GARIN5B: variants seen among roughly 807,000 people sequenced by gnomAD.
GARIN5B encodes Golgi-associated RAB2 interactor protein 5B.
chr19:55,355,759 G>A, the GARIN5B span, among the ~76,000 whole-genome samples: 1 of 152,190 alleles, frequency 6.6e-6, no homozygotes, highest in Non-Finnish European at 1.5e-5. Flanking sequence ...GCAGAGGCGG[G>A]AGGATTGCTT....
At chr19:55,360,044 G>A in the GARIN5B span, 2 of 1,457,178 alleles carry the variant, frequency 1.4e-6, no homozygotes, top group Non-Finnish European at 1.8e-6. Context: ...ACCCGGGAGG[G>A]CAGACCCCTG....
the GARIN5B span, chr19:55,358,582 G>A: frequency 6.4e-7 from 1 of 1,551,276 alleles, no homozygotes; most frequent in Non-Finnish European, 8.7e-7. Flanking sequence ...TCACCCAGGT[G>A]TGCGACTCTG....
At chr19:55,358,306 C>T in the GARIN5B span, 24 of 1,547,958 alleles carry the variant, frequency 1.6e-5, no homozygotes, top group Middle Eastern at 1.7e-4. Flanking sequence ...TGGGCTCCTG[C>T]GACACCCTCT....
the GARIN5B span, chr19:55,358,197 T>C: frequency 1.9e-6 from 3 of 1,541,124 alleles, no homozygotes; most frequent in African/African-American, 4.1e-5. Flanking sequence ...TCTGCCTTGG[T>C]GGCCGTGTTC....
At chr19:55,361,621 T>A in the GARIN5B span, among the ~76,000 whole-genome samples, 1 of 106,524 alleles carries the variant, frequency 9.4e-6, no homozygotes, top group Non-Finnish European at 2.0e-5. Flanking sequence ...CAGTCCCTCC[T>A]CCCTCAGACC....
the GARIN5B span, chr19:55,358,933 C>T: frequency 1.9e-6 from 3 of 1,551,182 alleles, no homozygotes; most frequent in East Asian, 2.4e-5. Flanking sequence ...CCCAGTGGGC[C>T]CAGTCCTCCA....
the GARIN5B span, chr19:55,355,461 T>C: frequency 9.7e-7 from 1 of 1,033,346 alleles, no homozygotes; most frequent in Non-Finnish European, 1.4e-6. Context: ...CCAGGGCGGG[T>C]CTTGCTGTGT....
the GARIN5B span, chr19:55,359,582 G>C: frequency 3.9e-6 from 6 of 1,551,288 alleles, no homozygotes; most frequent in Non-Finnish European, 5.2e-6. Flanking sequence ...GGGTTTCCAC[G>C]ATGAAGCAGG....
chr19:55,359,394 C>T, the GARIN5B span: 2 of 1,549,746 alleles, frequency 1.3e-6, no homozygotes, highest in Non-Finnish European at 1.7e-6. Context: ...ACGGCTGAGG[C>T]CTTTCGGGGA....
the GARIN5B span, chr19:55,358,436 C>A: frequency 6.6e-7 from 1 of 1,514,354 alleles, no homozygotes; most frequent in Non-Finnish European, 8.9e-7. Flanking sequence ...CTGGGAGATT[C>A]CTTCCCTCTT....
the GARIN5B span, chr19:55,359,867 G>A: frequency 1.9e-6 from 3 of 1,551,402 alleles, no homozygotes; most frequent in Admixed American, 2.0e-5. Context: ...CGGGTCCAGG[G>A]AGCTGCAGGA....
the GARIN5B span, chr19:55,361,523 A>G: frequency 3.8e-6 from 5 of 1,327,476 alleles, no homozygotes; most frequent in African/African-American, 1.5e-5. Flanking sequence ...TCCTGCTCCC[A>G]GGACCTGACG....
chr19:55,358,366 C>G, the GARIN5B span: 1 of 1,516,360 alleles, frequency 6.6e-7, no homozygotes, highest in Non-Finnish European at 8.9e-7. Flanking sequence ...AGATGAGGGT[C>G]TCCGAGAGGG....
chr19:55,357,408 G>A, the GARIN5B span, among the ~76,000 whole-genome samples: 2,963 of 152,222 alleles, frequency 0.019, 78 homozygotes, highest in African/African-American at 0.067. Context: ...ACCTCTGACC[G>A]CATTTCCCAC....
At chr19:55,358,903 G>A in the GARIN5B span, 1 of 1,550,856 alleles carries the variant, frequency 6.4e-7, no homozygotes, top group Non-Finnish European at 8.7e-7. Context: ...GCAGGTCCGG[G>A]GACCTCTCTT....
the GARIN5B span, chr19:55,354,918 G>T: frequency 4.2e-6 from 1 of 239,964 alleles, no homozygotes; most frequent in East Asian, 1.1e-4. Flanking sequence ...TGAGTCTCAG[G>T]CTCAAGCTTT....
the GARIN5B span, chr19:55,355,489 A>G: frequency 1.4e-6 from 1 of 739,810 alleles, no homozygotes; most frequent in Non-Finnish European, 2.3e-6. Context: ...TCACTGTTGT[A>G]TCTGCCTGGG....
At chr19:55,361,197 C>A in the GARIN5B span, 2 of 1,551,284 alleles carry the variant, frequency 1.3e-6, no homozygotes, top group South Asian at 2.4e-5. Context: ...TGTCTCTGAG[C>A]AGCCACCGTC....
At chr19:55,362,168 G>A in the GARIN5B span, 1 of 1,436,258 alleles carries the variant, frequency 7.0e-7, no homozygotes, top group South Asian at 1.5e-5. Flanking sequence ...TTGGGCTCTT[G>A]GTCGCAGTCC....
Sources: allele counts gnomAD v4.1 joint callset (sites outside exome capture counted in the v4.1 genomes callset), GRCh38; gene constraint gnomAD v4.1.1; transcripts MANE v1.5; gene names NCBI Gene and HGNC (gene_info 2026-07-23, HGNC 2026-07-21).